Variants in RAI1 observed in about 807,000 individuals in gnomAD.
RAI1 encodes the protein retinoic acid-induced protein 1.
Under a neutral mutation model 123.8 loss-of-function variants are expected in RAI1, and 9 were observed. The ratio of observed to expected loss-of-function variants is 0.07; its 90% CI spans 0.04 to 0.13. The LOEUF (loss-of-function observed/expected upper bound fraction) is 0.13. RAI1 is among the 10% of genes least tolerant of loss of function. RAI1 has a pLI of 1.00. For missense variants in RAI1, 2,256 were observed against 2,545.8 expected (o/e 0.89, Z 2.45); for synonymous variants, 1,231 against 1,127.3 (o/e 1.09, Z -1.84).
chr17:17,811,225 G>GTTA lies in RAI1; in HGVS notation c.*1246_*1248dup, dbSNP rs1286428118. 3.0e-6 allele frequency: 1 copy of GTTA among 332,582 alleles called. No individual in the cohort carries two copies. Among genetic ancestry groups the GTTA allele is most frequent in the Non-Finnish European group, 5.8e-6 (1 of 171,030 alleles). The allele number at this position is 332,582 out of a possible 1,614,324, so 20.6% of individuals were successfully genotyped here. On this transcript the variant is annotated 3_prime_UTR_variant, in exon 6 of 6. Transcript: ENST00000353383. ...AAACGTGTGTATTATATCTGGCCTC[G>GTTA]TTATATAGTGTATATATATGTATAC... is the stretch of plus-strand genomic sequence containing the variant.
At chr17:17,716,330 T>G (rs959896669) in intron 1 of RAI1, among the ~76,000 whole-genome samples, 1 of 152,220 alleles carries the variant, frequency 6.6e-6, no homozygotes. Flanking sequence ...CACTTGGGTG[T>G]GTGTGGACTT....
At chr17:17,727,256 C>T (rs1396182995) in intron 2 of RAI1, among the ~76,000 whole-genome samples, 1 of 152,246 alleles carries the variant, frequency 6.6e-6, no homozygotes, top group Non-Finnish European at 1.5e-5. Context: ...TATCTGACCT[C>T]CCTCCTTTGA....
Position 17,718,212 on chromosome 17 carries a change from G to A in RAI1, c.-148-5816G>A, listed in dbSNP as rs556044710. 3.3e-5 allele frequency among the ~76,000 whole-genome samples: 5 copies of A among 152,234 alleles called. No individual in the cohort carries two copies. The East Asian group carries it at 7.7e-4, about 24-fold the overall frequency. On this transcript the variant is annotated intron_variant, in intron 1 of 5. Coordinates refer to ENST00000353383, the MANE Select transcript of RAI1 (RefSeq NM_030665.4). ...ACTCCAGCCAGAACCTGCATGGGTC[G>A]GGGTGGGTGGGCCAGATTAGCCTCC...
At chr17:17,710,899 C>G (rs1164143274) in intron 1 of RAI1, among the ~76,000 whole-genome samples, 1 of 152,228 alleles carries the variant, frequency 6.6e-6, no homozygotes, top group Non-Finnish European at 1.5e-5. Flanking sequence ...GCCTCGTACT[C>G]CAGAGCTCTC....
intron 2 of RAI1, among the ~76,000 whole-genome samples, chr17:17,731,143 T>C (rs1795637011): frequency 6.6e-6 from 1 of 152,104 alleles, no homozygotes; most frequent in Non-Finnish European, 1.5e-5. Context: ...GCCACACACA[T>C]AGGGTGTCGG....
chr17:17,732,076 C>G (rs1916291317), intron 2 of RAI1, among the ~76,000 whole-genome samples: 1 of 151,700 alleles, frequency 6.6e-6, no homozygotes, highest in Non-Finnish European at 1.5e-5. Flanking sequence ...AGGTGCCCAG[C>G]CCTGGGCACT....
intron 2 of RAI1, among the ~76,000 whole-genome samples, chr17:17,754,999 C>A (rs764254586): frequency 6.6e-6 from 1 of 152,214 alleles, no homozygotes; most frequent in Non-Finnish European, 1.5e-5. Context: ...AGTGCGACAG[C>A]GGGGAGGTCA....
rs1216921244 is a variant in RAI1 at position 17,810,238 on chromosome 17, G to C, written c.*257G>C. 1.8e-6 allele frequency: 1 copy of C among 553,156 alleles called. No individual in the cohort carries two copies. Among genetic ancestry groups the C allele is most frequent in the Non-Finnish European group, 3.1e-6 (1 of 321,550 alleles). 34.3% of individuals were successfully genotyped at this position (553,156 alleles called of 1,614,324 possible). ...GCACAGGGCGTTCTTGCCCACCCCA[G>C]GGGCCAGGCTTGCGGAGGGGGAGCC... On this transcript the variant is annotated 3_prime_UTR_variant, in exon 6 of 6. Transcript: ENST00000353383. This position sits in a 1 kb window ranked among gnomAD's most constrained non-coding sequence, Gnocchi z 4.6.
intron 1 of RAI1, among the ~76,000 whole-genome samples, chr17:17,693,815 A>G (rs920611588): frequency 6.6e-6 from 1 of 152,154 alleles, no homozygotes; most frequent in Non-Finnish European, 1.5e-5. Flanking sequence ...AGACCAGGCC[A>G]TTGCTCTGGG....
intron 2 of RAI1, among the ~76,000 whole-genome samples, chr17:17,741,339 C>T (rs145658250): frequency 4.6e-4 from 70 of 152,314 alleles, no homozygotes; most frequent in African/African-American, 1.5e-3. Flanking sequence ...CCTAATGACT[C>T]GCAGGGCGGG....
intron 1 of RAI1, among the ~76,000 whole-genome samples, chr17:17,715,706 T>G (rs1337499694): frequency 6.6e-6 from 1 of 152,148 alleles, no homozygotes; most frequent in Non-Finnish European, 1.5e-5. Context: ...AGGAGTGATC[T>G]CCACAGATTC....
chr17:17,719,055 C>T (rs940222870), intron 1 of RAI1, among the ~76,000 whole-genome samples: 4 of 152,164 alleles, frequency 2.6e-5, no homozygotes, highest in Admixed American at 6.5e-5. Flanking sequence ...AAAATCCGAC[C>T]CCTTCTCATC....
intron 1 of RAI1, among the ~76,000 whole-genome samples, chr17:17,693,231 AGTGAGGATGG>A (rs1032659154): frequency 2.0e-5 from 3 of 152,200 alleles, no homozygotes; most frequent in African/African-American, 7.2e-5. Flanking sequence ...CCCCAGAAAG[AGTGAGGATGG>A]GTGAGGGCCA....
At chr17:17,755,251 G>A (rs1188324102) in intron 2 of RAI1, among the ~76,000 whole-genome samples, 1 of 152,372 alleles carries the variant, frequency 6.6e-6, no homozygotes, top group South Asian at 2.1e-4. Context: ...AGCGCATGGT[G>A]TGTAATACAG....
At chr17:17,798,727 C>A (rs1191764664) in intron 3 of RAI1, among the ~76,000 whole-genome samples, 1 of 152,150 alleles carries the variant, frequency 6.6e-6, no homozygotes, top group Non-Finnish European at 1.5e-5. Flanking sequence ...TACCCTGTCC[C>A]AGGAGACTTC....
intron 2 of RAI1, chr17:17,777,443 G>T (rs1343544728): frequency 6.6e-6 from 1 of 152,280 alleles, no homozygotes; most frequent in Non-Finnish European, 1.5e-5. Context: ...TCACCCCGTG[G>T]GGCTCAGTTT....
chr17:17,699,462 A>G (rs1334072861), intron 1 of RAI1, among the ~76,000 whole-genome samples: 3 of 152,214 alleles, frequency 2.0e-5, no homozygotes, highest in Non-Finnish European at 4.4e-5. Flanking sequence ...AGAGAAAAGC[A>G]TTTATTCATG....
At chr17:17,760,592 C>G (rs2142992213) in intron 2 of RAI1, among the ~76,000 whole-genome samples, 1 of 152,378 alleles carries the variant, frequency 6.6e-6, no homozygotes, top group Non-Finnish European at 1.5e-5. Context: ...CCCCCAGCCC[C>G]ACCCAGAAGT....
chr17:17,785,498 A>G (rs2031795875), intron 2 of RAI1, among the ~76,000 whole-genome samples: 1 of 152,228 alleles, frequency 6.6e-6, no homozygotes. Flanking sequence ...CATGTGAAAC[A>G]GCTCATTGTA....
Sources: allele counts gnomAD v4.1 joint callset (sites outside exome capture counted in the v4.1 genomes callset), GRCh38; gene constraint gnomAD v4.1.1; non-coding constraint Gnocchi (gnomAD v3.1); transcripts MANE v1.5; gene names NCBI Gene and HGNC (gene_info 2026-07-23, HGNC 2026-07-21).